The following HYDIN variants were observed in gnomAD, a reference collection of about 807,000 sequenced individuals.
HYDIN encodes axonemal central pair apparatus protein HYDIN.
Under a neutral mutation model 403.9 loss-of-function variants are expected in HYDIN, and 132 were observed. That is an observed-to-expected ratio of 0.33 (90% confidence interval 0.28 to 0.38). The LOEUF is 0.38. Among genes scored for constraint, HYDIN ranks in the 10% least tolerant of loss-of-function variants. The pLI is 1.00. For synonymous variants in HYDIN, 1,202 were observed against 1,891.7 expected (o/e 0.64, Z 9.46); for missense variants, 2,827 against 5,009.5 (o/e 0.56, Z 13.15).
intron 23 of HYDIN, among the ~76,000 whole-genome samples, chr16:71,006,697 G>A (rs543917658): frequency 3.2e-3 from 490 of 151,736 alleles, no homozygotes; most frequent in African/African-American, 0.011. Context: ...ACCACCCAGA[G>A]GATCCTTCCC....
chr16:71,115,944 T>G (rs1210067681), intron 9 of HYDIN, 149 bp from the exon 10 acceptor site: 1 of 581,348 alleles, frequency 1.7e-6, no homozygotes, highest in Non-Finnish European at 3.1e-6. Flanking sequence ...TATATTTGTA[T>G]AGTGAAATGA....
intron 64 of HYDIN, among the ~76,000 whole-genome samples, chr16:70,872,895 T>C (rs574070192): frequency 6.8e-6 from 1 of 146,648 alleles, no homozygotes; most frequent in Non-Finnish European, 1.5e-5. Context: ...CATTAATTCA[T>C]CTATCATCTA....
At chr16:70,926,958 T>C (rs1167525750) in intron 45 of HYDIN, among the ~76,000 whole-genome samples, 1 of 152,252 alleles carries the variant, frequency 6.6e-6, no homozygotes, top group Non-Finnish European at 1.5e-5. Context: ...GACAAAAGTA[T>C]GTAGAACATA....
intron 8 of HYDIN, chr16:71,132,728 A>C (rs9936905): frequency 0.34 from 51,115 of 152,224 alleles, 9,106 homozygotes; most frequent in East Asian, 0.57. Flanking sequence ...CATGCTGTTG[A>C]AACTCCAAAA....
intron 23 of HYDIN, among the ~76,000 whole-genome samples, chr16:71,012,305 G>C (rs1043306765): frequency 3.9e-5 from 6 of 152,252 alleles, no homozygotes; most frequent in African/African-American, 1.4e-4. Context: ...CTTCCTGCCA[G>C]CTTTCTCATT....
intron 62 of HYDIN, among the ~76,000 whole-genome samples, chr16:70,878,547 C>T (rs2040585046): frequency 6.8e-6 from 1 of 146,770 alleles, no homozygotes; most frequent in Admixed American, 6.7e-5. Context: ...ACAAGTTGCT[C>T]CATTACTGTA....
intron 7 of HYDIN, among the ~76,000 whole-genome samples, chr16:71,149,847 T>C (rs1003410204): frequency 6.6e-6 from 1 of 151,500 alleles, no homozygotes; most frequent in Admixed American, 6.6e-5. Context: ...TTTTTACAAA[T>C]ACTTTTAAAT....
rs199961477 is a variant in HYDIN at position 70,970,614 on chromosome 16, C to G, written c.5525G>C (p.Gly1842Ala). The G allele has an allele frequency of 8.8e-5, 127 of 1,440,332 alleles. No individual in the cohort carries two copies. The highest frequency in any genetic ancestry group is 1.8e-4 in the Middle Eastern group (1 of 5,550). 89.2% of individuals were successfully genotyped at this position (1,440,332 alleles called of 1,614,324 possible). A position where few individuals can be genotyped will look rare whatever the true frequency, so the allele number is the denominator to read the frequency against. Residue 1842 changes from glycine (G) to alanine (A), a missense_variant, in exon 36 of 86, where the codon GGA becomes GCA. Transcript: ENST00000393567. ...CTTCACTATCACCTCGGCCTCGTCT[C>G]CAGGTGCACAAAGTAGCAGTGGCCC... ...DLGPLLLCAP[G>A]DEAEVIVKNP...
In HYDIN at chr16:70,978,945, G is replaced by A. The variant is rs1332126384; in HGVS notation, c.4607C>T (p.Thr1536Ile). The A allele has an allele frequency of 1.2e-6, 2 of 1,613,876 alleles. No homozygotes were observed. Among genetic ancestry groups the A allele is most frequent in the Admixed American group, 3.3e-5 (2 of 59,998 alleles). Residue 1536 changes from threonine to isoleucine, a missense_variant, in exon 30 of 86, where the codon ACT (threonine) becomes ATT (isoleucine). Transcript: ENST00000393567. ...AGGCTCGTCTTCTGGCACTTCCTCA[G>A]TTATTATGTCAAAGTGATCGAGCAT... is the stretch of plus-strand genomic sequence containing the variant. Reference protein sequence around the residue: ...CEMLDHFDIITEEVPEDEPAE... With the variant: ...CEMLDHFDIIIEEVPEDEPAE...
At chr16:70,945,676 T>C (rs57190668) in intron 41 of HYDIN, among the ~76,000 whole-genome samples, 3,760 of 151,606 alleles carry the variant, frequency 0.025, no homozygotes, top group African/African-American at 0.085. Context: ...GCTAATGAGG[T>C]AGAAGGGAAG....
At chr16:71,168,749 T>C (rs1029261436) in intron 5 of HYDIN, among the ~76,000 whole-genome samples, 1 of 152,214 alleles carries the variant, frequency 6.6e-6, no homozygotes, top group East Asian at 1.9e-4. Flanking sequence ...CACCTCCTGC[T>C]GTTGTCAGCT....
At chr16:71,207,244 TA>T (rs1472745191) in intron 1 of HYDIN, among the ~76,000 whole-genome samples, 1 of 152,204 alleles carries the variant, frequency 6.6e-6, no homozygotes, top group Admixed American at 6.5e-5. Flanking sequence ...AGAAACCCTA[TA>T]AGCCAGAAGA....
chr16:71,191,143 T>A (rs1026089603), intron 1 of HYDIN, among the ~76,000 whole-genome samples: 1 of 152,214 alleles, frequency 6.6e-6, no homozygotes, highest in African/African-American at 2.4e-5. Flanking sequence ...AGATTAAACA[T>A]TTTTATTTTA....
intron 53 of HYDIN, among the ~76,000 whole-genome samples, chr16:70,897,248 G>T (rs1355043893): frequency 6.6e-6 from 1 of 152,042 alleles, no homozygotes; most frequent in East Asian, 1.9e-4. Context: ...GGGTCCATCT[G>T]TCCAGGAAAA....
At chr16:70,863,305 T>A (rs551688980) in intron 67 of HYDIN, 123 bp from the exon 68 acceptor site, 74 of 900,352 alleles carry the variant, frequency 8.2e-5, no homozygotes, top group Middle Eastern at 4.9e-4. Flanking sequence ...TAAATATTTT[T>A]AAAAAGGCAC....
intron 83 of HYDIN, among the ~76,000 whole-genome samples, chr16:70,819,961 T>C (rs1372350900): frequency 6.9e-5 from 10 of 144,764 alleles, no homozygotes; most frequent in African/African-American, 1.5e-4. Flanking sequence ...GCGTCCGCCA[T>C]CACGCCTGGC....
chr16:71,006,995 G>A (rs1448412988), intron 23 of HYDIN, among the ~76,000 whole-genome samples: 7 of 146,116 alleles, frequency 4.8e-5, no homozygotes, highest in African/African-American at 1.0e-4. Context: ...CTCTCTCCCT[G>A]TCTCTTCCCT....
chr16:71,086,325 A>G (rs371531297), intron 12 of HYDIN, among the ~76,000 whole-genome samples: 9 of 152,082 alleles, frequency 5.9e-5, no homozygotes, highest in South Asian at 2.1e-4. Context: ...GAGGTACTCA[A>G]TAAGAGTTTA....
chr16:70,871,008 G>C (rs970176710), intron 65 of HYDIN, among the ~76,000 whole-genome samples: 3 of 152,170 alleles, frequency 2.0e-5, no homozygotes, highest in African/African-American at 7.2e-5. Flanking sequence ...TCCAGCCTGG[G>C]TGACCGAGTG....
Sources: gnomAD v4.1 joint callset for allele counts (sites outside exome capture counted in the v4.1 genomes callset) on GRCh38, gnomAD v4.1.1 for gene constraint, MANE v1.5 for transcripts, NCBI Gene and HGNC (gene_info 2026-07-23, HGNC 2026-07-21) for gene names.